Variants in SORBS2 observed in about 807,000 individuals in gnomAD.
SORBS2 encodes the protein sorbin and SH3 domain containing 2.
In SORBS2, 46 loss-of-function variants were observed where a neutral mutation model predicts 97.7. The observed-to-expected ratio is 0.47, with a 90% CI of 0.37 to 0.60. The LOEUF (loss-of-function observed/expected upper bound fraction) is 0.60. Among genes scored for constraint, SORBS2 ranks in the 20% least tolerant of loss-of-function variants. The probability of loss-of-function intolerance (pLI) is 0.00; values close to 1 mark genes in which losing one functional copy is unlikely to be tolerated. For synonymous variants in SORBS2, 476 were observed against 473.4 expected (o/e 1.01, Z -0.07); for missense variants, 1,316 against 1,282.3 (o/e 1.03, Z -0.40).
chr4:185,762,108 A>G (rs556587128), intron 2 of SORBS2, among the ~76,000 whole-genome samples: 7 of 152,284 alleles, frequency 4.6e-5, no homozygotes, highest in African/African-American at 1.7e-4. Context: ...TAGCCTGTGA[A>G]CTAGGAAAGG....
chr4:185,762,603 G>A (rs1358135801), intron 2 of SORBS2, among the ~76,000 whole-genome samples: 1 of 152,152 alleles, frequency 6.6e-6, no homozygotes, highest in African/African-American at 2.4e-5. Context: ...CAGATTTCAT[G>A]AAGATGCGAG....
chr4:185,595,920 CAT>C (rs1457294908), intron 12 of SORBS2, among the ~76,000 whole-genome samples: 1 of 152,102 alleles, frequency 6.6e-6, no homozygotes, highest in African/African-American at 2.4e-5. Context: ...TGAGAATGTA[CAT>C]GTTAGTCACT....
chr4:185,802,266 G>C (rs1018201016), intron 1 of SORBS2, among the ~76,000 whole-genome samples: 1 of 152,156 alleles, frequency 6.6e-6, no homozygotes, highest in African/African-American at 2.4e-5. Context: ...TTAAATTACA[G>C]TAACTAGCGT....
At chr4:185,916,209 G>C (rs987431907) in intron 1 of SORBS2, among the ~76,000 whole-genome samples, 11 of 152,204 alleles carry the variant, frequency 7.2e-5, no homozygotes, top group African/African-American at 2.2e-4. Context: ...AGGAATTTCA[G>C]AGTCCAGGTA....
chr4:185,648,002 G>T (rs560581254), intron 3 of SORBS2, among the ~76,000 whole-genome samples: 41 of 152,176 alleles, frequency 2.7e-4, no homozygotes, highest in South Asian at 2.1e-3. Flanking sequence ...CAATTTTAAG[G>T]CCTCACATAA....
Position 185,880,513 on chromosome 4 carries a change from T to C in SORBS2, c.-338+75683A>G, listed in dbSNP as rs755472558. Among the ~76,000 whole-genome samples, 81 of 152,338 alleles carry C rather than the reference T, an allele frequency of 5.3e-4. 1 individual carries two copies. The highest frequency in any genetic ancestry group is 3.4e-3 in the Middle Eastern group (1 of 294). ...CTTGGAAAAAACAGTGTTTTGTTATTGTGTCAGTTATACCTAAAGACAAAG... is the reference window on the plus strand; with the variant it reads ...CTTGGAAAAAACAGTGTTTTGTTATCGTGTCAGTTATACCTAAAGACAAAG... On this transcript the variant is annotated intron_variant, in intron 1 of 20. Transcript: ENST00000284776.
At chr4:185,618,550 C>T in intron 9 of SORBS2, 35 bp downstream of exon 21, 1 of 1,280,348 alleles carries the variant, frequency 7.8e-7, no homozygotes. Flanking sequence ...TTTAAAACCA[C>T]CTTAAATCAT....
chr4:185,950,967 C>T (rs886133007), intron 1 of SORBS2, among the ~76,000 whole-genome samples: 3 of 152,068 alleles, frequency 2.0e-5, no homozygotes, highest in African/African-American at 7.2e-5. Context: ...AGGAAAAATA[C>T]CGATAGAGTT....
At chr4:185,873,979 A>G (rs143799848) in intron 1 of SORBS2, among the ~76,000 whole-genome samples, 115 of 152,284 alleles carry the variant, frequency 7.6e-4, no homozygotes, top group Admixed American at 2.0e-3. Flanking sequence ...TTAATATTAA[A>G]ATAGTATGTT....
intron 1 of SORBS2, among the ~76,000 whole-genome samples, chr4:185,878,640 C>T (rs901833586): frequency 1.3e-5 from 2 of 152,148 alleles, no homozygotes. Context: ...TGTCCTGGAC[C>T]CCGGGATTCC....
At chr4:185,927,512 A>G (rs769558716) in intron 1 of SORBS2, among the ~76,000 whole-genome samples, 3 of 143,680 alleles carry the variant, frequency 2.1e-5, no homozygotes, top group African/African-American at 5.2e-5. Context: ...TTCAACTCCC[A>G]GTTATGAGTG....
At chr4:185,944,917 C>T (rs1443591887) in intron 1 of SORBS2, among the ~76,000 whole-genome samples, 3 of 152,112 alleles carry the variant, frequency 2.0e-5, no homozygotes, top group Non-Finnish European at 2.9e-5. Flanking sequence ...CAAAACCACT[C>T]TGTCACTGAA....
In SORBS2 at chr4:185,651,778, T is replaced by C. The variant is rs573610578; in HGVS notation, c.91+884A>G. On this transcript the variant is annotated intron_variant, in intron 2 of 14. Transcript: ENST00000418609. Reference sequence around the variant, plus strand: ...TAGTCATTGCGAGCAAGGAAACCCATCCTACCTGCATTGTATGTATAAGGA... The same window carrying C: ...TAGTCATTGCGAGCAAGGAAACCCACCCTACCTGCATTGTATGTATAAGGA... 1.3e-6 allele frequency: 2 copies of C among 1,491,396 alleles called. No homozygotes were observed. Among genetic ancestry groups the C allele is most frequent in the South Asian group, 1.2e-5 (1 of 86,636 alleles). 92.4% of individuals were successfully genotyped at this position (1,491,396 alleles called of 1,614,324 possible).
At chr4:185,728,350 A>G (rs796753466) in intron 2 of SORBS2, among the ~76,000 whole-genome samples, 24 of 152,282 alleles carry the variant, frequency 1.6e-4, no homozygotes, top group African/African-American at 5.5e-4. Context: ...GCTTGCCCCA[A>G]AAACCCCTGT....
At chr4:185,952,533 T>C (rs1245889768) in intron 1 of SORBS2, among the ~76,000 whole-genome samples, 1 of 152,070 alleles carries the variant, frequency 6.6e-6, no homozygotes, top group Non-Finnish European at 1.5e-5. Flanking sequence ...GCCCTAAAGG[T>C]GGGAGTATAT....
intron 1 of SORBS2, among the ~76,000 whole-genome samples, chr4:185,779,973 T>C (rs970939695): frequency 1.3e-5 from 2 of 150,578 alleles, no homozygotes; most frequent in Non-Finnish European, 2.9e-5. Flanking sequence ...ACGCACATTG[T>C]AAGCAAAATG....
In SORBS2 at chr4:185,718,347, G is replaced by A. The variant is rs183717446; in HGVS notation, c.-197-39525C>T. Among the ~76,000 whole-genome samples the A allele has an allele frequency of 5.9e-5, 9 of 152,120 alleles. No individual in the cohort carries two copies. The East Asian group carries it at 9.7e-4, about 16-fold the overall frequency. On this transcript the variant is annotated intron_variant, in intron 2 of 20. Transcript: ENST00000284776. ...TTATTAGCATCATAAACATTATTTC[G>A]TTGTGCTCTGAATGCAGCTGAACAG...
chr4:185,668,582 C>T (rs990124766), intron 4 of SORBS2, among the ~76,000 whole-genome samples: 1 of 152,126 alleles, frequency 6.6e-6, no homozygotes, highest in Non-Finnish European at 1.5e-5. Context: ...ACCCTGTAGA[C>T]CCAAGGGGAA....
intron 1 of SORBS2, among the ~76,000 whole-genome samples, chr4:185,824,580 G>A (rs13112696): frequency 0.16 from 24,630 of 152,080 alleles, 2,126 homozygotes; most frequent in South Asian, 0.3. Flanking sequence ...AGTTGGGTCT[G>A]TGAAAAACCA....
Sources: gnomAD v4.1 joint callset for allele counts (sites outside exome capture counted in the v4.1 genomes callset) on GRCh38, gnomAD v4.1.1 for gene constraint, MANE v1.5 for transcripts, NCBI Gene and HGNC (gene_info 2026-07-23, HGNC 2026-07-21) for gene names.